Variants in F3 observed in about 807,000 individuals in gnomAD.
The protein encoded by F3 is tissue factor.
A neutral mutation model predicts 33.5 loss-of-function variants in F3; 18 were observed. The ratio of observed to expected loss-of-function variants is 0.54; its 90% CI spans 0.37 to 0.80. The LOEUF (loss-of-function observed/expected upper bound fraction) is 0.80, where lower values mean the gene tolerates loss of function less well. Ranked by LOEUF, F3 falls within the 30% of genes least tolerant of loss-of-function variation. F3 has a pLI of 0.00. For missense variants in F3, 353 were observed against 362.1 expected (o/e 0.97, Z 0.20); for synonymous variants, 147 against 140.7 (o/e 1.05, Z -0.32).
At chr1:94,536,241 T>C (rs1424154527) in intron 2 of F3, 77 bp from the exon 3 acceptor site, 1 of 1,262,530 alleles carries the variant, frequency 7.9e-7, no homozygotes, top group African/African-American at 1.5e-5. Flanking sequence ...GCTTCCTGGC[T>C]GTGGTGTTCT....
chr1:94,532,419 CAGT>C lies in F3; in HGVS notation c.650_652del (p.Tyr217del), dbSNP rs1317958827. Reference sequence around the variant, plus strand: ...GGGAATCACTGCTTGAACACTGAAACAGTAGTTTTCTCCTTTATCCACATCAAT... The same window carrying C: ...GGGAATCACTGCTTGAACACTGAAACAGTTTTCTCCTTTATCCACATCAAT... On this transcript the variant is annotated inframe_deletion, in exon 5 of 6. Coordinates refer to ENST00000334047, the MANE Select transcript of F3 (RefSeq NM_001993.5). The C allele has an allele frequency of 6.2e-7, 1 of 1,614,188 alleles. No individual in the cohort carries two copies. The highest frequency in any genetic ancestry group is 8.5e-7 in the Non-Finnish European group (1 of 1,180,030).
chr1:94,536,304 G>C, intron 2 of F3, 140 bp from the exon 3 acceptor site: 1 of 740,100 alleles, frequency 1.4e-6, no homozygotes. Context: ...TCACTGTGCT[G>C]AGCACTTTGC....
chr1:94,536,267 G>A (rs1055259891), intron 2 of F3, 103 bp from the exon 3 acceptor site: 2 of 1,007,850 alleles, frequency 2.0e-6, no homozygotes, highest in African/African-American at 1.6e-5. Flanking sequence ...AACATCAGGA[G>A]CCCTACAATC....
In F3 at chr1:94,540,384, A is replaced by G; in HGVS notation, c.101-16T>C. 1.3e-6 allele frequency: 2 copies of G among 1,558,976 alleles called. 1 individual carries two copies. The highest frequency in any genetic ancestry group is 2.2e-5 in the South Asian group (2 of 89,848). On this transcript the variant is annotated splice_polypyrimidine_tract_variant and intron_variant, in intron 1 of 5. Coordinates refer to ENST00000334047, the MANE Select transcript of F3 (RefSeq NM_001993.5). The stretch of plus-strand genomic sequence containing the variant: ...TTTGTAGTGCCTTTAAACAACAGAG[A>G]AACAGCTATTATTACATGCACTTCA...
chr1:94,541,518 A>G lies in F3; in HGVS notation c.100+19T>C. 6.8e-7 allele frequency: 1 copy of G among 1,461,220 alleles called. No individual in the cohort carries two copies. Among genetic ancestry groups the G allele is most frequent in the Non-Finnish European group, 9.1e-7 (1 of 1,104,414 alleles). The allele number at this position is 1,461,220 out of a possible 1,614,324, so 90.5% of individuals were successfully genotyped here. ...TGCGTGTGGCGCGCCCCGGGCTTCC[A>G]GGGGCTGGTGCCACTCACCTGAAGC... On this transcript the variant is annotated intron_variant, in intron 1 of 5. Transcript: ENST00000334047.
chr1:94,540,198 C>G (rs1362542090), intron 2 of F3, 59 bp downstream of exon 2: 2 of 1,031,960 alleles, frequency 1.9e-6, no homozygotes, highest in East Asian at 4.8e-5. Context: ...CATTCTTGTT[C>G]AGCATAGGAC....
chr1:94,533,486 A>G (rs891883086), intron 3 of F3, among the ~76,000 whole-genome samples: 2 of 152,344 alleles, frequency 1.3e-5, no homozygotes, highest in South Asian at 4.1e-4. Flanking sequence ...CTCAGATGTC[A>G]TTTTAAGTTT....
chr1:94,536,108 T>C lies in F3; in HGVS notation c.269A>G (p.Asp90Gly). 6.2e-7 allele frequency: 1 copy of C among 1,614,136 alleles called. No homozygotes were observed. The highest frequency in any genetic ancestry group is 1.1e-5 in the South Asian group (1 of 91,076). ...ATCCTTCACAATCTCGTCGGTGAGG[T>C]CACACTCTGTGTCTGTTGTGTAAAA... ...KCFYTTDTEC[D>G]LTDEIVKDVK... The change falls in exon 3 of 6, where the codon GAC becomes GGC. Residue 90 changes from aspartate to glycine, a missense_variant. Coordinates refer to ENST00000334047, the MANE Select transcript of F3 (RefSeq NM_001993.5).
At chr1:94,535,695 C>T (rs1054117421) in intron 3 of F3, among the ~76,000 whole-genome samples, 2 of 152,008 alleles carry the variant, frequency 1.3e-5, no homozygotes, top group Non-Finnish European at 2.9e-5. Context: ...TCTCCCAACA[C>T]ACATTCAGCC....
intron 3 of F3, among the ~76,000 whole-genome samples, chr1:94,535,068 C>T (rs1236791966): frequency 1.3e-5 from 2 of 152,060 alleles, no homozygotes; most frequent in Admixed American, 6.5e-5. Context: ...CTATTTCAAC[C>T]CTCAAAGTAG....
Position 94,532,449 on chromosome 1 carries a change from A to G in F3, c.623T>C (p.Leu208Ser), listed in dbSNP as rs1307562376. 6.2e-7 allele frequency: 1 copy of G among 1,614,124 alleles called. No homozygotes were observed. Among genetic ancestry groups the G allele is most frequent in the South Asian group, 1.1e-5 (1 of 91,052 alleles). The change falls in exon 5 of 6, where the codon TTG becomes TCG. Residue 208 changes from leucine (L) to serine (S), a missense_variant. Coordinates refer to ENST00000334047, the MANE Select transcript of F3 (RefSeq NM_001993.5). The part of the protein sequence containing the change: ...KTAKTNTNEF[L>S]IDVDKGENYC... The stretch of plus-strand genomic sequence containing the variant: ...GTTTTCTCCTTTATCCACATCAATC[A>G]AAAACTCATTAGTGTTTGTTTTGGC...
In F3 at chr1:94,530,523, G is replaced by C. The variant is rs1183762504; in HGVS notation, c.825C>G (p.His275Gln). The change falls in exon 6 of 6, where the codon CAC (histidine) becomes CAG (glutamine). Residue 275 changes from histidine to glutamine, a missense_variant. His to Gln is a conservative substitution (Grantham distance 24, BLOSUM62 0). Coordinates refer to ENST00000334047, the MANE Select transcript of F3 (RefSeq NM_001993.5). ...GCCCCACTCCTGCCTTTCTACACTTGTGTAGAGATATAGCCAGGATGATGA... is the reference window on the plus strand; with the variant it reads ...GCCCCACTCCTGCCTTTCTACACTTCTGTAGAGATATAGCCAGGATGATGA... ...ILVIILAISL[H>Q]KCRKAGVGQS... is the part of the protein sequence containing the mutation. 1.2e-6 allele frequency: 2 copies of C among 1,614,084 alleles called. No individual in the cohort carries two copies. The highest frequency in any genetic ancestry group is 1.7e-6 in the Non-Finnish European group (2 of 1,180,012).
chr1:94,536,435 G>A (rs952534195), intron 2 of F3, among the ~76,000 whole-genome samples: 1 of 152,078 alleles, frequency 6.6e-6, no homozygotes, highest in Non-Finnish European at 1.5e-5. Flanking sequence ...TAGCAACACC[G>A]AGCACTTGGG....
chr1:94,531,284 A>G (rs1285713465), intron 5 of F3, among the ~76,000 whole-genome samples: 1 of 143,866 alleles, frequency 7.0e-6, no homozygotes, highest in Non-Finnish European at 1.5e-5. Context: ...CTAAGCCATC[A>G]TTTCTTTTTT....
In F3 at chr1:94,532,390, G is replaced by A. The variant is rs750310950; in HGVS notation, c.682C>T (p.Arg228Ter). 5 of 1,614,100 alleles carry A rather than the reference G, an allele frequency of 3.1e-6. No homozygotes were observed. Among genetic ancestry groups the A allele is most frequent in the Non-Finnish European group, 3.4e-6 (4 of 1,180,028 alleles). ...TCTGTACTCTTCCGGTTAACTGTTC[G>A]GGAGGGAATCACTGCTTGAACACTG... ...CFSVQAVIPS[R>*]TVNRKSTDSP... is the part of the protein sequence containing the mutation. Residue 228 changes from arginine to a stop codon, truncating the protein, a stop_gained, in exon 5 of 6, where the codon CGA (arginine) becomes TGA (stop). Transcript: ENST00000334047. LOFTEE classifies it high-confidence loss of function.
intron 5 of F3, 48 bp downstream of exon 5, chr1:94,532,273 A>G (rs1553176189): frequency 1.3e-6 from 2 of 1,589,694 alleles, no homozygotes; most frequent in South Asian, 2.3e-5. Flanking sequence ...TCCAGAAGTC[A>G]CCCACAGCAC....
intron 3 of F3, among the ~76,000 whole-genome samples, chr1:94,534,883 A>G (rs1033238742): frequency 6.6e-6 from 1 of 152,284 alleles, no homozygotes; most frequent in African/African-American, 2.4e-5. Flanking sequence ...TGAGGATGCC[A>G]TTAATTAGGG....
chr1:94,533,825 TCTTC>T (rs1651507443), intron 3 of F3, among the ~76,000 whole-genome samples: 1 of 151,870 alleles, frequency 6.6e-6, no homozygotes, highest in Non-Finnish European at 1.5e-5. Flanking sequence ...TAATTCTTTC[TCTTC>T]CTTCCTTCTT....
In F3 at chr1:94,533,999, T is replaced by C. The variant is rs1309406038; in HGVS notation, c.413-731A>G. Among the ~76,000 whole-genome samples, 7 of 152,104 alleles carry C rather than the reference T, an allele frequency of 4.6e-5. 1 individual carries two copies. Among genetic ancestry groups the C allele is most frequent in the Admixed American group, 2.0e-4 (3 of 15,266 alleles). On this transcript the variant is annotated intron_variant, in intron 3 of 5. Coordinates refer to ENST00000334047, the MANE Select transcript of F3 (RefSeq NM_001993.5). ...CTCCTGCCTCAGCCTCCCAAGTAGC[T>C]GGGATTACAGGCACCCACAACCACG...
Sources: gnomAD v4.1 joint callset for allele counts (sites outside exome capture counted in the v4.1 genomes callset) on GRCh38, gnomAD v4.1.1 for gene constraint, MANE v1.5 for transcripts, NCBI Gene and HGNC (gene_info 2026-07-23, HGNC 2026-07-21) for gene names.